The following TRUB1 variants were observed in gnomAD, a reference collection of about 807,000 sequenced individuals.
TRUB1 encodes pseudouridylate synthase TRUB1.
TRUB1 carries 23 observed loss-of-function variants against 33.9 expected under a neutral mutation model. The observed-to-expected ratio is 0.68, with a 90% CI of 0.49 to 0.96. The LOEUF (loss-of-function observed/expected upper bound fraction) is 0.96, where lower values mean the gene tolerates loss of function less well. Among genes scored for constraint, TRUB1 ranks in the 40% least tolerant of loss-of-function variants. The pLI is 0.00. For synonymous variants in TRUB1, 163 were observed against 165.4 expected (o/e 0.99, Z 0.11); for missense variants, 378 against 422.2 (o/e 0.90, Z 0.92).
intron 2 of TRUB1, among the ~76,000 whole-genome samples, chr10:114,950,672 A>T (rs1592049697): frequency 6.6e-6 from 1 of 152,184 alleles, no homozygotes; most frequent in African/African-American, 2.4e-5. Context: ...TAAATGGTTC[A>T]TTAGCTGTGA....
chr10:114,942,622 T>A, intron 1 of TRUB1, 23 bp from the exon 2 acceptor site: 3 of 1,538,742 alleles, frequency 1.9e-6, no homozygotes, highest in Non-Finnish European at 2.7e-6. Context: ...GATCACCTTT[T>A]TTCATCCCCA....
chr10:114,945,776 T>C (rs897165964), intron 2 of TRUB1, among the ~76,000 whole-genome samples: 11 of 152,192 alleles, frequency 7.2e-5, no homozygotes, highest in African/African-American at 2.7e-4. Context: ...AGCCAAAAGA[T>C]TGGACACTCT....
intron 1 of TRUB1, 103 bp downstream of exon 1, chr10:114,938,642 A>C (rs1444198256): frequency 1.6e-6 from 2 of 1,265,410 alleles, no homozygotes; most frequent in African/African-American, 3.0e-5. Context: ...AAAGGAGGGG[A>C]AAGGGAGACT....
chr10:114,961,314 A>T (rs925243648), intron 4 of TRUB1, among the ~76,000 whole-genome samples: 1 of 152,038 alleles, frequency 6.6e-6, no homozygotes, highest in Non-Finnish European at 1.5e-5. Context: ...ATTTCCCATG[A>T]TTAGGAAGTA....
At chr10:114,940,818 A>G (rs1204225877) in intron 1 of TRUB1, among the ~76,000 whole-genome samples, 2 of 152,178 alleles carry the variant, frequency 1.3e-5, no homozygotes, top group Non-Finnish European at 2.9e-5. Flanking sequence ...TGAGAGATCC[A>G]TGATGGATTG....
At chr10:114,959,418 C>T (rs2084275824) in intron 3 of TRUB1, among the ~76,000 whole-genome samples, 2 of 152,170 alleles carry the variant, frequency 1.3e-5, no homozygotes, top group Admixed American at 1.3e-4. Context: ...CTTAAACAAA[C>T]TTCTCAGTAT....
chr10:114,954,029 A>G (rs1236577103), intron 3 of TRUB1, among the ~76,000 whole-genome samples: 2 of 151,742 alleles, frequency 1.3e-5, no homozygotes, highest in African/African-American at 2.4e-5. Context: ...AACCCTATGT[A>G]TGATGTATTC....
chr10:114,945,033 T>G (rs1453117212), intron 2 of TRUB1, among the ~76,000 whole-genome samples: 1 of 152,210 alleles, frequency 6.6e-6, no homozygotes, highest in African/African-American at 2.4e-5. Flanking sequence ...ATATAAGGTC[T>G]TCAGTTTTGG....
intron 1 of TRUB1, among the ~76,000 whole-genome samples, chr10:114,941,945 C>T (rs555714714): frequency 1.6e-4 from 25 of 152,176 alleles, no homozygotes; most frequent in Middle Eastern, 6.8e-3. Context: ...CCACCACGTC[C>T]GGCTAATTTT....
At chr10:114,972,102 T>C in intron 5 of TRUB1, 33 bp from the exon 6 acceptor site, 1 of 1,610,026 alleles carries the variant, frequency 6.2e-7, no homozygotes, top group South Asian at 1.1e-5. Flanking sequence ...TTGCTCTCCT[T>C]TCCTTCCATT....
intron 2 of TRUB1, among the ~76,000 whole-genome samples, chr10:114,948,335 T>C (rs1373696979): frequency 1.3e-5 from 2 of 152,358 alleles, no homozygotes; most frequent in East Asian, 3.8e-4. Context: ...TGCCATTTCC[T>C]ACCTTTGAAG....
At chr10:114,973,594 G>A (rs913333763) in intron 6 of TRUB1, among the ~76,000 whole-genome samples, 32 of 152,216 alleles carry the variant, frequency 2.1e-4, no homozygotes, top group Non-Finnish European at 1.2e-4. Context: ...CTTTTGTGTG[G>A]AAATGTGGCA....
chr10:114,951,007 TG>T, intron 2 of TRUB1, 86 bp from the exon 3 acceptor site: 2 of 1,162,206 alleles, frequency 1.7e-6, no homozygotes, highest in Non-Finnish European at 2.5e-6. Flanking sequence ...TTACCTAAGC[TG>T]GGAAATTATG....
intron 5 of TRUB1, among the ~76,000 whole-genome samples, chr10:114,971,473 T>G (rs1213002962): frequency 6.6e-6 from 1 of 152,156 alleles, no homozygotes; most frequent in Admixed American, 6.5e-5. Flanking sequence ...GAAATATCTC[T>G]GAGGAGACGC....
At chr10:114,946,390 T>G (rs1055463622) in intron 2 of TRUB1, among the ~76,000 whole-genome samples, 4 of 152,104 alleles carry the variant, frequency 2.6e-5, no homozygotes, top group Non-Finnish European at 5.9e-5. Flanking sequence ...TGTCCAGGCT[T>G]GAGTGCGGTG....
intron 3 of TRUB1, among the ~76,000 whole-genome samples, chr10:114,954,064 T>TA (rs377033591): frequency 0.027 from 3,966 of 148,536 alleles, 83 homozygotes; most frequent in African/African-American, 0.053. Flanking sequence ...TCTATTTCAT[T>TA]AAAAAAAAAA....
At chr10:114,938,629 A>C in intron 1 of TRUB1, 90 bp downstream of exon 1, 2 of 1,356,992 alleles carry the variant, frequency 1.5e-6, no homozygotes, top group East Asian at 5.0e-5. Flanking sequence ...GATTCAAGAG[A>C]CAAAAGGAGG....
intron 3 of TRUB1, among the ~76,000 whole-genome samples, chr10:114,957,738 A>C (rs1018856341): frequency 6.6e-6 from 1 of 152,186 alleles, no homozygotes; most frequent in Non-Finnish European, 1.5e-5. Context: ...TACTTGGGAA[A>C]CATGTTAAGG....
At position 114,972,252 on chromosome 10, in the gene TRUB1, C is replaced by G. The variant is rs753999980; in HGVS notation, c.714C>G (p.Phe238Leu). The G allele has an allele frequency of 4.0e-5, 64 of 1,606,372 alleles. No homozygotes were observed. The highest frequency in any genetic ancestry group is 5.3e-5 in the Non-Finnish European group (63 of 1,178,324). Residue 238 changes from phenylalanine (F) to leucine (L), a missense_variant, in exon 6 of 8, where the codon TTC becomes TTG. Coordinates refer to ENST00000298746, the MANE Select transcript of TRUB1 (RefSeq NM_139169.5). The part of the protein sequence containing the change: ...VTVYSISLQK[F>L]QPPFFTLDVE... Reference sequence around the variant, plus strand: ...TATACAGTATCTCCCTTCAAAAATTCCAGCCACCATTTTTCACATTAGGTA... The same window carrying G: ...TATACAGTATCTCCCTTCAAAAATTGCAGCCACCATTTTTCACATTAGGTA...
Sources: gnomAD v4.1 joint callset for allele counts (sites outside exome capture counted in the v4.1 genomes callset) on GRCh38, gnomAD v4.1.1 for gene constraint, MANE v1.5 for transcripts, NCBI Gene and HGNC (gene_info 2026-07-23, HGNC 2026-07-21) for gene names.